MED12L: variants seen among roughly 807,000 people sequenced by gnomAD.
The protein encoded by MED12L is mediator complex subunit 12L.
A neutral mutation model predicts 281.3 loss-of-function variants in MED12L; 60 were observed. The ratio of observed to expected loss-of-function variants is 0.21; its 90% CI spans 0.17 to 0.26. The LOEUF is 0.26. Ranked by LOEUF, MED12L falls within the 10% of genes least tolerant of loss-of-function variation. MED12L has a pLI of 1.00. For synonymous variants in MED12L, 974 were observed against 987.2 expected (o/e 0.99, Z 0.25); for missense variants, 2,146 against 2,680.9 (o/e 0.80, Z 4.41).
intron 16 of MED12L, among the ~76,000 whole-genome samples, chr3:151,288,094 A>G (rs1453917755): frequency 1.3e-5 from 2 of 152,196 alleles, no homozygotes; most frequent in African/African-American, 2.4e-5. Flanking sequence ...TGGCTCAGGA[A>G]TCCAATCAGG....
intron 16 of MED12L, 21 bp from the exon 17 acceptor site, chr3:151,350,038 A>G: frequency 1.2e-6 from 2 of 1,600,820 alleles, no homozygotes; most frequent in Non-Finnish European, 1.7e-6. Flanking sequence ...AGAGTTTCAG[A>G]ATGCATTTTC....
intron 14 of MED12L, 117 bp downstream of exon 14, chr3:151,191,048 C>A: frequency 1.2e-6 from 1 of 865,348 alleles, no homozygotes. Flanking sequence ...TTCTTTTGCC[C>A]CAGTGGTTGT....
intron 16 of MED12L, among the ~76,000 whole-genome samples, chr3:151,210,708 T>A (rs577426598): frequency 3.3e-5 from 5 of 152,250 alleles, no homozygotes; most frequent in Non-Finnish European, 7.3e-5. Flanking sequence ...GCATATTCTA[T>A]CTGCAGGTAT....
At chr3:151,241,837 A>C (rs1181363725) in intron 16 of MED12L, 1 of 154,692 alleles carries the variant, frequency 6.5e-6, no homozygotes, top group Non-Finnish European at 1.4e-5. Flanking sequence ...TGAGCGACGC[A>C]GAAGACGGTG....
At chr3:151,192,786 G>A (rs1724158284) in intron 15 of MED12L, 132 bp downstream of exon 15, 1 of 682,144 alleles carries the variant, frequency 1.5e-6, no homozygotes, top group Admixed American at 2.3e-5. Context: ...TTCTTCCTTT[G>A]GTACAATTAT....
chr3:151,303,966 T>C (rs1216373304), intron 16 of MED12L, among the ~76,000 whole-genome samples: 1 of 152,098 alleles, frequency 6.6e-6, no homozygotes, highest in Non-Finnish European at 1.5e-5. Flanking sequence ...TTGTGACTAG[T>C]TTTATCCTGT....
chr3:151,329,801 C>T (rs1750143468), intron 16 of MED12L, among the ~76,000 whole-genome samples: 1 of 152,012 alleles, frequency 6.6e-6, no homozygotes, highest in South Asian at 2.1e-4. Context: ...TTTTTGAGTG[C>T]CTCTTGTATA....
intron 16 of MED12L, among the ~76,000 whole-genome samples, chr3:151,334,857 T>G (rs974562727): frequency 2.0e-5 from 3 of 152,150 alleles, no homozygotes; most frequent in Non-Finnish European, 4.4e-5. Flanking sequence ...TTGTGAGCCA[T>G]GCAGTCTACA....
chr3:151,328,907 AGG>A (rs1750016188), intron 16 of MED12L: 1 of 1,613,920 alleles, frequency 6.2e-7, no homozygotes, highest in Non-Finnish European at 8.5e-7. Context: ...CACTGTGTAG[AGG>A]GCTGGGAATA....
chr3:151,200,922 G>A (rs962674474), intron 16 of MED12L: 1 of 152,196 alleles, frequency 6.6e-6, no homozygotes, highest in African/African-American at 2.4e-5. Context: ...AGGTTGTGTA[G>A]CTGGTAAGAT....
At chr3:151,174,006 C>T (rs149732963) in intron 11 of MED12L, among the ~76,000 whole-genome samples, 6 of 152,248 alleles carry the variant, frequency 3.9e-5, no homozygotes, top group South Asian at 2.1e-4. Context: ...ATATCCCTTA[C>T]GTGAAATATT....
intron 16 of MED12L, among the ~76,000 whole-genome samples, chr3:151,317,108 A>C (rs1748355722): frequency 6.6e-6 from 1 of 152,136 alleles, no homozygotes; most frequent in Admixed American, 6.5e-5. Flanking sequence ...CTGCCAATTA[A>C]ATTTTGGATT....
At chr3:151,346,885 TA>T (rs1752613155) in intron 16 of MED12L, among the ~76,000 whole-genome samples, 1 of 152,190 alleles carries the variant, frequency 6.6e-6, no homozygotes. Context: ...CAATTACATG[TA>T]AATTCAAAAG....
chr3:151,354,695 T>TGGC (rs1386242116), intron 17 of MED12L, among the ~76,000 whole-genome samples: 1 of 152,204 alleles, frequency 6.6e-6, no homozygotes, highest in Non-Finnish European at 1.5e-5. Context: ...GGTGGTACAG[T>TGGC]AACACATTGG....
chr3:151,309,549 A>G (rs1747204185), intron 16 of MED12L, among the ~76,000 whole-genome samples: 1 of 151,920 alleles, frequency 6.6e-6, no homozygotes, highest in Non-Finnish European at 1.5e-5. Flanking sequence ...TATCCTGAAA[A>G]TCCCTTCTGC....
intron 16 of MED12L, among the ~76,000 whole-genome samples, chr3:151,200,693 T>C (rs1337354241): frequency 6.6e-6 from 1 of 152,138 alleles, no homozygotes; most frequent in Non-Finnish European, 1.5e-5. Context: ...CTACATGCCC[T>C]TTCTCTTTCC....
Position 151,259,470 on chromosome 3 carries a change from A to G in MED12L, c.2250+65804A>G, listed in dbSNP as rs146345653. Among the ~76,000 whole-genome samples, 803 of 152,314 alleles carry G rather than the reference A, an allele frequency of 5.3e-3. 13 individuals are homozygous for G. Among genetic ancestry groups the G allele is most frequent in the African/African-American group, 0.018 (749 of 41,550 alleles). ...GGACACTTTTGAGAATGAAAAGAGGACTTAATTACATGGGGACAGCAGGAG... is the reference window on the plus strand; with the variant it reads ...GGACACTTTTGAGAATGAAAAGAGGGCTTAATTACATGGGGACAGCAGGAG... On this transcript the variant is annotated intron_variant, in intron 16 of 44. Coordinates refer to ENST00000687756, the MANE Select transcript of MED12L (RefSeq NM_001393769.1).
rs769622362 is a variant in MED12L at position 151,338,227 on chromosome 3, C to A, written c.2251-11832C>A. The A allele has an allele frequency of 3.6e-5, 58 of 1,613,896 alleles. No individual in the cohort carries two copies. The highest frequency in any genetic ancestry group is 4.7e-5 in the Non-Finnish European group (56 of 1,179,986). ...TCTTTTGTAATGAGTGTATAACATA[C>A]AATAACAATTAAGAAATTAATCCAG... is the stretch of plus-strand genomic sequence containing the variant. On this transcript the variant is annotated intron_variant, in intron 16 of 44. Coordinates refer to ENST00000687756, the MANE Select transcript of MED12L (RefSeq NM_001393769.1).
At chr3:151,274,562 AT>A (rs910271592) in intron 16 of MED12L, among the ~76,000 whole-genome samples, 1 of 152,150 alleles carries the variant, frequency 6.6e-6, no homozygotes, top group Non-Finnish European at 1.5e-5. Flanking sequence ...ACTAAGTATC[AT>A]TTTTCATATT....
Sources: allele counts gnomAD v4.1 joint callset (sites outside exome capture counted in the v4.1 genomes callset), GRCh38; gene constraint gnomAD v4.1.1; transcripts MANE v1.5; gene names NCBI Gene and HGNC (gene_info 2026-07-23, HGNC 2026-07-21).